The following SH3GL3 variants were observed in gnomAD, a reference collection of about 807,000 sequenced individuals.
The protein encoded by SH3GL3 is SH3 domain containing GRB2 like 3, endophilin A3.
Under a neutral mutation model 47.7 loss-of-function variants are expected in SH3GL3, and 33 were observed. That is an observed-to-expected ratio of 0.69 (90% CI 0.52 to 0.92). SH3GL3 has a LOEUF of 0.92. Among genes scored for constraint, SH3GL3 ranks in the 40% least tolerant of loss-of-function variants. The pLI is 0.00. For missense variants in SH3GL3, 363 were observed against 417.8 expected (o/e 0.87, Z 1.14); for synonymous variants, 155 against 148.8 (o/e 1.04, Z -0.30).
chr15:83,598,302 A>T (rs1194509766), intron 8 of SH3GL3, among the ~76,000 whole-genome samples: 1 of 152,174 alleles, frequency 6.6e-6, no homozygotes, highest in Admixed American at 6.5e-5. Flanking sequence ...GGATCCACTT[A>T]CACTGAGTTT....
chr15:83,574,964 G>A (rs1481212637), intron 5 of SH3GL3, among the ~76,000 whole-genome samples: 1 of 152,174 alleles, frequency 6.6e-6, no homozygotes, highest in Non-Finnish European at 1.5e-5. Context: ...CTCATGTTGG[G>A]CAGTCCATTC....
intron 1 of SH3GL3, among the ~76,000 whole-genome samples, chr15:83,525,081 C>G (rs1007989621): frequency 2.0e-5 from 3 of 152,126 alleles, no homozygotes; most frequent in Non-Finnish European, 4.4e-5. Context: ...GAGAAATCTC[C>G]ATACTGTTTT....
At chr15:83,456,815 G>C (rs1233144881) in intron 1 of SH3GL3, among the ~76,000 whole-genome samples, 1 of 152,006 alleles carries the variant, frequency 6.6e-6, no homozygotes, top group Non-Finnish European at 1.5e-5. Context: ...GTTCCTATTC[G>C]GCCATCTTGG....
At chr15:83,576,873 A>C (rs1315510054) in intron 6 of SH3GL3, 132 bp downstream of exon 6, 3 of 475,676 alleles carry the variant, frequency 6.3e-6, no homozygotes, top group Non-Finnish European at 7.4e-6. Context: ...CCACACATAA[A>C]ATACACTAAT....
chr15:83,495,312 A>G (rs1374417837), intron 1 of SH3GL3, among the ~76,000 whole-genome samples: 4 of 152,176 alleles, frequency 2.6e-5, no homozygotes. Flanking sequence ...AGGGCCATAG[A>G]GAATGGTATT....
rs1213611041 is a variant in SH3GL3 at position 83,507,415 on chromosome 15, T to C, written c.46-51838T>C. On this transcript the variant is annotated intron_variant, in intron 1 of 8. Coordinates refer to ENST00000427482, the MANE Select transcript of SH3GL3 (RefSeq NM_003027.5). Reference sequence around the variant, plus strand: ...CTTCCAGGTATTCATTCCTTTATTATTATTATTATTTTTTTTTTGAGAGAG... The same window carrying C: ...CTTCCAGGTATTCATTCCTTTATTACTATTATTATTTTTTTTTTGAGAGAG... Among the ~76,000 whole-genome samples, 5 of 141,236 alleles carry C rather than the reference T, an allele frequency of 3.5e-5. No homozygotes were observed. The East Asian group carries it at 9.7e-4, about 27-fold the overall frequency. 92.7% of individuals were successfully genotyped at this position (141,236 alleles called of 152,430 possible).
At chr15:83,590,575 G>T (rs2060067867) in intron 8 of SH3GL3, among the ~76,000 whole-genome samples, 1 of 152,176 alleles carries the variant, frequency 6.6e-6, no homozygotes. Flanking sequence ...ATCCCTGCCA[G>T]CATTTGCTGT....
chr15:83,526,100 A>G (rs1001091691), intron 1 of SH3GL3, among the ~76,000 whole-genome samples: 2 of 152,148 alleles, frequency 1.3e-5, no homozygotes, highest in Admixed American at 1.3e-4. Context: ...GAATATGTAG[A>G]TTGCTTTAGG....
At position 83,447,513 on chromosome 15, in the gene SH3GL3, C is replaced by G; in HGVS notation, c.-21C>G. 6.7e-7 allele frequency: 1 copy of G among 1,498,322 alleles called. No individual in the cohort carries two copies. 92.8% of individuals were successfully genotyped at this position (1,498,322 alleles called of 1,614,324 possible). On this transcript the variant is annotated 5_prime_UTR_variant, in exon 1 of 9. Coordinates refer to ENST00000427482, the MANE Select transcript of SH3GL3 (RefSeq NM_003027.5). The surrounding 1 kb of genome is among the most constrained non-coding windows in gnomAD (Gnocchi z 5.1). ...CCAGCCGAGCCTTGAGACCACCCCG[C>G]CCCTGCCGGTCGCAGTCGCGATGTC...
At chr15:83,536,264 A>G (rs1694777497) in intron 1 of SH3GL3, among the ~76,000 whole-genome samples, 1 of 152,196 alleles carries the variant, frequency 6.6e-6, no homozygotes, top group Admixed American at 6.5e-5. Context: ...TATGGTGGAC[A>G]GGGCATCCAG....
At chr15:83,475,474 G>A (rs1016755782) in intron 1 of SH3GL3, among the ~76,000 whole-genome samples, 2 of 151,962 alleles carry the variant, frequency 1.3e-5, no homozygotes, top group Non-Finnish European at 2.9e-5. Flanking sequence ...GTGAGCTTCT[G>A]TCTCAATAAA....
rs11374002 is a variant in SH3GL3 at position 83,499,395 on chromosome 15, C to CAA, written c.45+51832_45+51833dup. On this transcript the variant is annotated intron_variant, in intron 1 of 8. Coordinates refer to ENST00000427482, the MANE Select transcript of SH3GL3 (RefSeq NM_003027.5). ...AGCCTGGGCGACAGAGACTCCATCT[C>CAA]AAAAAAAAAAAAAAAAGAAAGGCAC... is the stretch of plus-strand genomic sequence containing the variant. Among the ~76,000 whole-genome samples the CAA allele has an allele frequency of 5.6e-3, 685 of 121,984 alleles. 2 individuals carry two copies. The highest frequency in any genetic ancestry group is 0.018 in the South Asian group (75 of 4,088). 80.0% of individuals were successfully genotyped at this position (121,984 alleles called of 152,430 possible).
chr15:83,490,806 G>GGACT (rs1161174968), intron 1 of SH3GL3: 2 of 1,613,862 alleles, frequency 1.2e-6, no homozygotes, highest in Non-Finnish European at 1.7e-6. Flanking sequence ...TAAACATTGA[G>GGACT]GACTCTCTTA....
chr15:83,558,857 T>C (rs1188489519), intron 1 of SH3GL3, among the ~76,000 whole-genome samples: 1 of 152,248 alleles, frequency 6.6e-6, no homozygotes, highest in Non-Finnish European at 1.5e-5. Context: ...GACTACCACT[T>C]AGTTCATTTA....
At chr15:83,589,335 A>G (rs2060033011) in intron 8 of SH3GL3, among the ~76,000 whole-genome samples, 1 of 152,214 alleles carries the variant, frequency 6.6e-6, no homozygotes, top group African/African-American at 2.4e-5. Context: ...ATTGAGGTAC[A>G]TAAATATACA....
intron 1 of SH3GL3, among the ~76,000 whole-genome samples, chr15:83,503,934 T>C (rs1303347214): frequency 6.6e-6 from 1 of 152,232 alleles, no homozygotes; most frequent in Non-Finnish European, 1.5e-5. Flanking sequence ...TTAAAATCAC[T>C]ATTTTAATTG....
At chr15:83,527,019 T>C (rs747208486) in intron 1 of SH3GL3, among the ~76,000 whole-genome samples, 2 of 152,212 alleles carry the variant, frequency 1.3e-5, no homozygotes, top group Non-Finnish European at 2.9e-5. Context: ...AGCTATTTAT[T>C]ATAGGCGTAA....
chr15:83,472,396 T>C (rs570585591), intron 1 of SH3GL3, among the ~76,000 whole-genome samples: 3 of 148,868 alleles, frequency 2.0e-5, no homozygotes, highest in African/African-American at 7.2e-5. Flanking sequence ...CTTTGTCTTA[T>C]TTTTTTCCTG....
chr15:83,542,928 T>A (rs2044232302), intron 1 of SH3GL3, among the ~76,000 whole-genome samples: 1 of 152,108 alleles, frequency 6.6e-6, no homozygotes, highest in Non-Finnish European at 1.5e-5. Flanking sequence ...AATTTGACTT[T>A]TTCCTTTCCA....
Sources: allele counts gnomAD v4.1 joint callset (sites outside exome capture counted in the v4.1 genomes callset), GRCh38; gene constraint gnomAD v4.1.1; non-coding constraint Gnocchi (gnomAD v3.1); transcripts MANE v1.5; gene names NCBI Gene and HGNC (gene_info 2026-07-23, HGNC 2026-07-21).